NUDCD3: variants seen among roughly 807,000 people sequenced by gnomAD.
NUDCD3 encodes nudC domain-containing protein 3.
A neutral mutation model predicts 39.7 loss-of-function variants in NUDCD3; 13 were observed. The ratio of observed to expected loss-of-function variants is 0.33; its 90% CI spans 0.21 to 0.52. NUDCD3 has a LOEUF of 0.52. NUDCD3 is among the 20% of genes least tolerant of loss of function. The pLI is 0.96. For missense variants in NUDCD3, 453 were observed against 458.1 expected (o/e 0.99, Z 0.10); for synonymous variants, 175 against 172.4 (o/e 1.02, Z -0.12).
Position 44,383,007 on chromosome 7 carries a change from A to G in NUDCD3, c.*3004T>C, listed in dbSNP as rs977653527. 1 of 152,258 alleles carries G rather than the reference A, an allele frequency of 6.6e-6. No individual in the cohort carries two copies. Among genetic ancestry groups the G allele is most frequent in the Non-Finnish European group, 1.5e-5 (1 of 68,062 alleles). The allele number at this position is 152,258 out of a possible 1,614,324, so 9.4% of individuals were successfully genotyped here. On this transcript the variant is annotated 3_prime_UTR_variant, in exon 6 of 6. Transcript: ENST00000355451. ...AAGGATTGCCTTTGAAACAGTCTTT[A>G]TTCAGCCAAGTACTTCTCACACCCC...
chr7:44,381,304 A>T lies in NUDCD3; in HGVS notation c.*4707T>A, dbSNP rs945317439. 9 of 152,258 alleles carry T rather than the reference A, an allele frequency of 5.9e-5. No individual in the cohort carries two copies. Among genetic ancestry groups the T allele is most frequent in the African/African-American group, 1.9e-4 (8 of 41,436 alleles). 9.4% of individuals were successfully genotyped at this position (152,258 alleles called of 1,614,324 possible). ...TCACCTTGGTCATGATGCCACAGAG[A>T]GTGTGGCATGGCCAGGACTGTACCT... On this transcript the variant is annotated 3_prime_UTR_variant, in exon 6 of 6. Coordinates refer to ENST00000355451, the MANE Select transcript of NUDCD3 (RefSeq NM_015332.4).
At chr7:44,437,223 C>T (rs1480272424) in intron 2 of NUDCD3, among the ~76,000 whole-genome samples, 64 of 151,804 alleles carry the variant, frequency 4.2e-4, no homozygotes, top group Non-Finnish European at 1.3e-4. Context: ...GTGTGTGCCA[C>T]CACACCTGGC....
chr7:44,396,505 C>T (rs1387087941), intron 4 of NUDCD3, among the ~76,000 whole-genome samples: 1 of 152,006 alleles, frequency 6.6e-6, no homozygotes, highest in Non-Finnish European at 1.5e-5. Flanking sequence ...GCCTGGAGTC[C>T]CTCTCCACAC....
At position 44,490,450 on chromosome 7, in the gene NUDCD3, T is replaced by C; in HGVS notation, c.151A>G (p.Met51Val). 1 of 1,591,980 alleles carries C rather than the reference T, an allele frequency of 6.3e-7. No homozygotes were observed. The highest frequency in any genetic ancestry group is 2.3e-5 in the East Asian group (1 of 43,274). ...YRLLRHPSDRMGFPPGAAQAL... is the reference protein window; with the variant it reads ...YRLLRHPSDRVGFPPGAAQAL... ...TGCGCGGCCCCGGGCGGGAAGCCCA[T>C]GCGGTCCGATGGGTGGCGCAGCAAG... Residue 51 changes from methionine (M) to valine (V), a missense_variant, in exon 1 of 6, where the codon ATG becomes GTG. Met to Val is a conservative substitution (Grantham distance 21, BLOSUM62 1). Transcript: ENST00000355451.
At chr7:44,418,796 C>T (rs181333815) in intron 3 of NUDCD3, among the ~76,000 whole-genome samples, 73 of 152,286 alleles carry the variant, frequency 4.8e-4, no homozygotes, top group Middle Eastern at 3.4e-3. Context: ...CAGGGTGGGA[C>T]GTCACCTCAC....
intron 5 of NUDCD3, among the ~76,000 whole-genome samples, chr7:44,388,217 A>G (rs1365648519): frequency 1.3e-5 from 2 of 152,240 alleles, no homozygotes; most frequent in Non-Finnish European, 2.9e-5. Context: ...ATGGGCATCA[A>G]TGCCAGAGCA....
rs80279520 is a variant in NUDCD3 at position 44,425,395 on chromosome 7, G to A, written c.642+2176C>T. ...CAGGTTCTCATGAAGAAGGAAACAT[G>A]GATACAGTTTCTGGCATATATCAAA... On this transcript the variant is annotated intron_variant, in intron 3 of 5. Transcript: ENST00000355451. Among the ~76,000 whole-genome samples, 482 of 152,236 alleles carry A rather than the reference G, an allele frequency of 3.2e-3. 4 individuals are homozygous for A. The highest frequency in any genetic ancestry group is 0.011 in the African/African-American group (445 of 41,534).
At position 44,470,354 on chromosome 7, in the gene NUDCD3, G is replaced by C. The variant is rs543136087; in HGVS notation, c.509+14614C>G. On this transcript the variant is annotated intron_variant, in intron 2 of 5. Coordinates refer to ENST00000355451, the MANE Select transcript of NUDCD3 (RefSeq NM_015332.4). ...AGACCAGATAACAGGCTCCAAATCTGATTTCTCAGCTCACAGAACTCACAG... is the reference window on the plus strand; with the variant it reads ...AGACCAGATAACAGGCTCCAAATCTCATTTCTCAGCTCACAGAACTCACAG... Among the ~76,000 whole-genome samples, 32 of 152,220 alleles carry C rather than the reference G, an allele frequency of 2.1e-4. No homozygotes were observed. In the South Asian group the frequency reaches 6.6e-3, roughly 32 times the overall value.
Position 44,446,199 on chromosome 7 carries a change from T to C in NUDCD3, c.510-18496A>G, listed in dbSNP as rs554465515. On this transcript the variant is annotated intron_variant, in intron 2 of 5. Coordinates refer to ENST00000355451, the MANE Select transcript of NUDCD3 (RefSeq NM_015332.4). ...TCTCAGCCAGAGAGCCTGTGTGTAG[T>C]CATACTCTCATGAGGACAAAATGGG... Among the ~76,000 whole-genome samples the C allele has an allele frequency of 7.9e-5, 12 of 152,322 alleles. No homozygotes were observed. The East Asian group carries it at 2.3e-3, about 29-fold the overall frequency.
chr7:44,443,886 T>G (rs1314365595), intron 2 of NUDCD3, among the ~76,000 whole-genome samples: 1 of 152,284 alleles, frequency 6.6e-6, no homozygotes, highest in East Asian at 1.9e-4. Context: ...TCAGTCTTCT[T>G]TATGAGCACC....
At chr7:44,424,600 G>A (rs1799199727) in intron 3 of NUDCD3, among the ~76,000 whole-genome samples, 1 of 152,188 alleles carries the variant, frequency 6.6e-6, no homozygotes, top group African/African-American at 2.4e-5. Flanking sequence ...ACCATCTCAT[G>A]CCAGTTAGAA....
At chr7:44,421,727 C>T (rs760125627) in intron 3 of NUDCD3, among the ~76,000 whole-genome samples, 5 of 152,144 alleles carry the variant, frequency 3.3e-5, no homozygotes, top group Admixed American at 6.5e-5. Flanking sequence ...TAGTGGGAGA[C>T]TTTAACACCC....
At chr7:44,409,639 T>C (rs1798885585) in intron 3 of NUDCD3, among the ~76,000 whole-genome samples, 1 of 150,992 alleles carries the variant, frequency 6.6e-6, no homozygotes, top group Non-Finnish European at 1.5e-5. Context: ...ATCAATAAAA[T>C]CTGTCCCTGA....
intron 1 of NUDCD3, among the ~76,000 whole-genome samples, chr7:44,487,895 G>C (rs992597354): frequency 6.6e-6 from 1 of 151,820 alleles, no homozygotes; most frequent in South Asian, 2.1e-4. Flanking sequence ...AGGAGGTGCA[G>C]TGAGCCAAGA....
At chr7:44,480,103 A>T (rs1800455974) in intron 2 of NUDCD3, among the ~76,000 whole-genome samples, 1 of 152,196 alleles carries the variant, frequency 6.6e-6, no homozygotes, top group Non-Finnish European at 1.5e-5. Context: ...TTCACTCTAT[A>T]CTTATTTTTA....
chr7:44,447,414 A>T (rs531758164), intron 2 of NUDCD3, among the ~76,000 whole-genome samples: 11 of 152,338 alleles, frequency 7.2e-5, no homozygotes, highest in African/African-American at 2.6e-4. Context: ...CTTAATGGCC[A>T]ATGTGACGGT....
chr7:44,462,950 T>C (rs1239018163), intron 2 of NUDCD3, among the ~76,000 whole-genome samples: 3 of 12,518 alleles, frequency 2.4e-4, no homozygotes, highest in Non-Finnish European at 4.0e-4. Context: ...CCAGGCTGTG[T>C]GTGTGTGTGT....
chr7:44,486,995 T>C (rs1245941168), intron 1 of NUDCD3, among the ~76,000 whole-genome samples: 1 of 152,138 alleles, frequency 6.6e-6, no homozygotes, highest in East Asian at 1.9e-4. Context: ...TCTCCCAAGA[T>C]TTCTCAACAA....
intron 2 of NUDCD3, among the ~76,000 whole-genome samples, chr7:44,475,682 C>T (rs1188187561): frequency 6.6e-6 from 1 of 151,976 alleles, no homozygotes; most frequent in Non-Finnish European, 1.5e-5. Flanking sequence ...ACAGCTTGAG[C>T]CCAGGAAGTC....
Sources: gnomAD v4.1 joint callset for allele counts (sites outside exome capture counted in the v4.1 genomes callset) on GRCh38, gnomAD v4.1.1 for gene constraint, MANE v1.5 for transcripts, NCBI Gene and HGNC (gene_info 2026-07-23, HGNC 2026-07-21) for gene names.